The following TENM2 variants were observed in gnomAD, a reference collection of about 807,000 sequenced individuals.
TENM2 encodes teneurin transmembrane protein 2, also known as teneurin-2.
TENM2 carries 52 observed loss-of-function variants against 245.2 expected under a neutral mutation model. The ratio of observed to expected loss-of-function variants is 0.21; its 90% CI spans 0.17 to 0.27. The LOEUF is 0.27. Among genes scored for constraint, TENM2 ranks in the 10% least tolerant of loss-of-function variants. The pLI is 1.00. For synonymous variants in TENM2, 1,363 were observed against 1,438.9 expected (o/e 0.95, Z 1.19); for missense variants, 3,046 against 3,666.8 (o/e 0.83, Z 4.37).
exon 25 of TENM2, chr5:168,227,953 T>C (rs1562307017): frequency 1.9e-6 from 3 of 1,613,800 alleles, no homozygotes; most frequent in East Asian, 2.2e-5. Flanking sequence ...TGATGTATGC[T>C]AATGGGATGG....
At chr5:167,772,354 C>T (rs1266216376) in intron 2 of TENM2, among the ~76,000 whole-genome samples, 1 of 152,152 alleles carries the variant, frequency 6.6e-6, no homozygotes, top group East Asian at 1.9e-4. Context: ...TGGAAATCTA[C>T]CTAAAAGCAT....
At chr5:167,367,845 A>G (rs1225584160) in intron 1 of TENM2, among the ~76,000 whole-genome samples, 1 of 152,144 alleles carries the variant, frequency 6.6e-6, no homozygotes, top group Non-Finnish European at 1.5e-5. Flanking sequence ...ATTTTTCTTG[A>G]TAACTTTCTA....
chr5:168,066,091 T>C (rs114574847), intron 7 of TENM2, among the ~76,000 whole-genome samples: 115 of 152,314 alleles, frequency 7.6e-4, no homozygotes, highest in African/African-American at 2.6e-3. Flanking sequence ...TAAGTGCTAA[T>C]AGTGCTGAGG....
intron 2 of TENM2, among the ~76,000 whole-genome samples, chr5:167,387,602 C>T (rs555663048): frequency 6.6e-5 from 10 of 152,060 alleles, no homozygotes; most frequent in African/African-American, 1.2e-4. Context: ...TTTCAGTTCT[C>T]AGAGGGAATG....
intron 1 of TENM2, among the ~76,000 whole-genome samples, chr5:167,320,391 A>G (rs1756637004): frequency 6.6e-6 from 1 of 152,242 alleles, no homozygotes; most frequent in African/African-American, 2.4e-5. Context: ...GAAAGGCCTG[A>G]ATTGACAGAT....
chr5:167,460,020 C>T (rs1766199522), intron 2 of TENM2, among the ~76,000 whole-genome samples: 1 of 151,968 alleles, frequency 6.6e-6, no homozygotes, highest in South Asian at 2.1e-4. Context: ...AAAAATACGA[C>T]ACATTGAGTG....
chr5:168,168,589 T>C (rs148045429), intron 13 of TENM2, among the ~76,000 whole-genome samples: 1,766 of 149,442 alleles, frequency 0.012, 10 homozygotes, highest in Non-Finnish European at 0.018. Flanking sequence ...GAGGCCGAGG[T>C]AGAAGGATCG....
intron 27 of TENM2, among the ~76,000 whole-genome samples, chr5:168,250,108 A>C (rs779137377): frequency 2.9e-3 from 5 of 1,714 alleles, no homozygotes; most frequent in East Asian, 0.017. Flanking sequence ...GGATGAGTGG[A>C]TGGATGGATG....
Position 167,491,276 on chromosome 5 carries a change from C to T in TENM2, c.502+115803C>T, listed in dbSNP as rs570121826. Among the ~76,000 whole-genome samples, 6 of 152,214 alleles carry T rather than the reference C, an allele frequency of 3.9e-5. No homozygotes were observed. In the South Asian group the frequency reaches 1.0e-3, roughly 26 times the overall value. ...TGTCGTATGAAGCCATACAGTATTC[C>T]ACAACTGATCTGAGCACTGCTTCCA... is the stretch of plus-strand genomic sequence containing the variant. On this transcript the variant is annotated intron_variant, in intron 2 of 28. Coordinates refer to ENST00000518659, the Ensembl canonical transcript of TENM2.
chr5:167,570,074 G>C (rs1199111216), intron 2 of TENM2, among the ~76,000 whole-genome samples: 2 of 152,118 alleles, frequency 1.3e-5, no homozygotes, highest in Admixed American at 1.3e-4. Flanking sequence ...AAGAGAAAAG[G>C]CCGTTCTAAA....
intron 3 of TENM2, among the ~76,000 whole-genome samples, chr5:167,898,309 G>A (rs1486049141): frequency 6.6e-6 from 1 of 152,062 alleles, no homozygotes; most frequent in Non-Finnish European, 1.5e-5. Flanking sequence ...AAATTCTAGG[G>A]GTGGGGCCCA....
chr5:167,175,147 G>A, the TENM2 span, among the ~76,000 whole-genome samples: 6 of 152,238 alleles, frequency 3.9e-5, no homozygotes, highest in East Asian at 9.6e-4. Flanking sequence ...AGGGAACACC[G>A]ACATCCCTAT....
the TENM2 span, among the ~76,000 whole-genome samples, chr5:167,115,876 C>T: frequency 6.6e-6 from 1 of 152,106 alleles, no homozygotes; most frequent in African/African-American, 2.4e-5. Flanking sequence ...TAGTATCAGA[C>T]CCTCTACGTT....
chr5:167,121,246 A>C, the TENM2 span, among the ~76,000 whole-genome samples: 1 of 152,198 alleles, frequency 6.6e-6, no homozygotes, highest in African/African-American at 2.4e-5. Context: ...AAGTAAGATC[A>C]TATCCAATGG....
At chr5:167,321,334 T>C (rs1251520119) in intron 1 of TENM2, among the ~76,000 whole-genome samples, 1 of 152,178 alleles carries the variant, frequency 6.6e-6, no homozygotes, top group Non-Finnish European at 1.5e-5. Context: ...ATGGGTGTCA[T>C]TCCTGAAGCT....
chr5:167,815,953 T>A (rs1042368077), intron 2 of TENM2, among the ~76,000 whole-genome samples: 8 of 149,812 alleles, frequency 5.3e-5, no homozygotes, highest in African/African-American at 2.0e-4. Context: ...AAGGATCACT[T>A]AAGTCCCATT....
chr5:167,935,947 G>C (rs931669080), intron 3 of TENM2, among the ~76,000 whole-genome samples: 1 of 151,772 alleles, frequency 6.6e-6, no homozygotes, highest in Admixed American at 6.6e-5. Context: ...ATATGTTGCC[G>C]AGCTGTGAGC....
intron 9 of TENM2, among the ~76,000 whole-genome samples, chr5:168,114,832 CTG>C (rs906935437): frequency 6.6e-6 from 1 of 152,194 alleles, no homozygotes; most frequent in Non-Finnish European, 1.5e-5. Flanking sequence ...GTGGAGAACT[CTG>C]TGACCTATTT....
At chr5:167,403,883 A>G (rs2127390484) in intron 2 of TENM2, among the ~76,000 whole-genome samples, 1 of 150,732 alleles carries the variant, frequency 6.6e-6, no homozygotes, top group African/African-American at 2.4e-5. Flanking sequence ...AAGTTTCTTT[A>G]TAGCATGATG....
Sources: gnomAD v4.1 joint callset for allele counts (sites outside exome capture counted in the v4.1 genomes callset) on GRCh38, gnomAD v4.1.1 for gene constraint, MANE v1.5 for transcripts, NCBI Gene and HGNC (gene_info 2026-07-23, HGNC 2026-07-21) for gene names.